Variants in CALD1 observed in about 807,000 individuals in gnomAD.
CALD1 encodes caldesmon.
CALD1 carries 33 observed loss-of-function variants against 99.9 expected under a neutral mutation model. The ratio of observed to expected loss-of-function variants is 0.33; its 90% CI spans 0.25 to 0.44. CALD1 has a LOEUF of 0.44. CALD1 is among the 20% of genes least tolerant of loss of function. CALD1 has a pLI of 1.00. For synonymous variants in CALD1, 310 were observed against 325.0 expected, an observed-to-expected ratio of 0.95 and a Z score of 0.50; for missense variants, 861 against 962.1, an observed-to-expected ratio of 0.89 and a Z score of 1.39.
At chr7:134,876,103 G>A (rs1302599756) in intron 3 of CALD1, among the ~76,000 whole-genome samples, 1 of 152,172 alleles carries the variant, frequency 6.6e-6, no homozygotes, top group Non-Finnish European at 1.5e-5. Flanking sequence ...AGGCACTGAT[G>A]AAAGCTCTGG....
At chr7:134,960,914 A>G (rs942456868) in intron 13 of CALD1, 1 of 230,916 alleles carries the variant, frequency 4.3e-6, no homozygotes, top group Non-Finnish European at 8.4e-6. Context: ...TTACTCGTCT[A>G]TTTGTTTAGC....
intron 3 of CALD1, among the ~76,000 whole-genome samples, chr7:134,913,683 CT>C (rs11327208): frequency 0.39 from 58,604 of 152,090 alleles, 13,005 homozygotes; most frequent in East Asian, 0.86. Context: ...GATCACCAAA[CT>C]TTTTTGTAAA....
chr7:134,950,725 G>A (rs1807269770), intron 9 of CALD1, among the ~76,000 whole-genome samples: 1 of 152,206 alleles, frequency 6.6e-6, no homozygotes, highest in Non-Finnish European at 1.5e-5. Context: ...GGAGGCAGAT[G>A]TGGGCAGATC....
chr7:134,898,074 G>A (rs531186053), intron 3 of CALD1, among the ~76,000 whole-genome samples: 2 of 151,930 alleles, frequency 1.3e-5, no homozygotes, highest in East Asian at 1.9e-4. Flanking sequence ...ACAGGCGCCC[G>A]CCACCATGCC....
At chr7:134,766,379 C>T (rs942665030) in intron 1 of CALD1, among the ~76,000 whole-genome samples, 1 of 151,914 alleles carries the variant, frequency 6.6e-6, no homozygotes, top group African/African-American at 2.4e-5. Flanking sequence ...CTCCTGACCT[C>T]GGGTGATCCA....
chr7:134,745,549 G>A (rs1244042057), intron 1 of CALD1: 3 of 152,302 alleles, frequency 2.0e-5, no homozygotes, highest in South Asian at 4.1e-4. Context: ...AGATTTGGGA[G>A]CTGAGAGTTA....
chr7:134,712,617 T>C, the CALD1 span, among the ~76,000 whole-genome samples: 2 of 152,242 alleles, frequency 1.3e-5, no homozygotes, highest in Non-Finnish European at 2.9e-5. Flanking sequence ...TATCAATTCA[T>C]CATTTTACAT....
Position 134,941,203 on chromosome 7 carries a change from A to G in CALD1, c.1498A>G (p.Thr500Ala). The G allele has an allele frequency of 6.2e-7, 1 of 1,612,334 alleles. No homozygotes were observed. Among genetic ancestry groups the G allele is most frequent in the Non-Finnish European group, 8.5e-7 (1 of 1,179,444 alleles). ...EVKSQNGEFM[T>A]HKLKHTENTF... ...TAAGTCGCAGAATGGAGAATTCATG[A>G]CCCACAAACTTAAACATACTGAGAA... The change falls in exon 7 of 15, where the codon ACC (threonine) becomes GCC (alanine). Residue 500 changes from threonine (T) to alanine (A), a missense_variant. Physicochemically the swap from Thr to Ala is moderately conservative, Grantham distance 58. Around this residue, in one of 5 missense-constraint regions of CALD1, gnomAD observed 293 missense variants for 262.7 expected, o/e 1.12. Coordinates refer to ENST00000361675, the MANE Select transcript of CALD1 (RefSeq NM_033138.4).
chr7:134,716,838 AT>A, the CALD1 span, among the ~76,000 whole-genome samples: 1 of 152,200 alleles, frequency 6.6e-6, no homozygotes, highest in Non-Finnish European at 1.5e-5. Context: ...GAGTTCTAGA[AT>A]TTACCTTTTT....
intron 7 of CALD1, among the ~76,000 whole-genome samples, chr7:134,943,533 A>G (rs566215930): frequency 3.3e-5 from 5 of 152,360 alleles, no homozygotes; most frequent in South Asian, 4.1e-4. Flanking sequence ...TGAGCAAGAT[A>G]TAGCGATGCA....
At chr7:134,910,276 A>G (rs1004034989) in intron 3 of CALD1, among the ~76,000 whole-genome samples, 39 of 152,362 alleles carry the variant, frequency 2.6e-4, no homozygotes, top group African/African-American at 9.4e-4. Flanking sequence ...TAAACTGACA[A>G]GACAGCCCGT....
chr7:134,843,853 G>GA, intron 1 of CALD1, 31 bp from the exon 2 acceptor site: 1 of 152,278 alleles, frequency 6.6e-6, no homozygotes, highest in Non-Finnish European at 1.5e-5. Context: ...TCATTCAACT[G>GA]AATTATGTTT....
the CALD1 span, among the ~76,000 whole-genome samples, chr7:134,737,797 T>C: frequency 6.6e-6 from 1 of 152,208 alleles, no homozygotes; most frequent in Non-Finnish European, 1.5e-5. Context: ...TGGTGGAATG[T>C]CTCTCTGGAG....
chr7:134,718,754 C>T, the CALD1 span, among the ~76,000 whole-genome samples: 40 of 152,140 alleles, frequency 2.6e-4, no homozygotes, highest in East Asian at 7.5e-3. Context: ...GTCTCTGACC[C>T]AGAAGTCTCA....
chr7:134,771,922 T>A lies in CALD1; in HGVS notation c.-130+27559T>A, dbSNP rs529281586. Reference sequence around the variant, plus strand: ...CCTATTCCTTTACTCTTTTTTTAAATTTTTTTATAGCGCTTACCACTGCCT... The same window carrying A: ...CCTATTCCTTTACTCTTTTTTTAAAATTTTTTATAGCGCTTACCACTGCCT... On this transcript the variant is annotated intron_variant, in intron 1 of 13. Coordinates refer to the CALD1 transcript ENST00000417172. Among the ~76,000 whole-genome samples the A allele has an allele frequency of 3.3e-5, 5 of 152,242 alleles. No individual in the cohort carries two copies. The East Asian group carries it at 7.7e-4, about 24-fold the overall frequency.
chr7:134,940,467 T>G (rs1806339854), intron 6 of CALD1, among the ~76,000 whole-genome samples: 1 of 152,194 alleles, frequency 6.6e-6, no homozygotes, highest in Non-Finnish European at 1.5e-5. Flanking sequence ...ATTCTAACTT[T>G]AATGGTTTAG....
At chr7:134,935,255 C>T (rs901526299) in intron 5 of CALD1, among the ~76,000 whole-genome samples, 6 of 152,092 alleles carry the variant, frequency 3.9e-5, no homozygotes, top group Non-Finnish European at 8.8e-5. Flanking sequence ...ACACCACCAC[C>T]ACCACTCCTA....
chr7:134,879,333 C>A (rs930833221), intron 3 of CALD1, among the ~76,000 whole-genome samples: 1 of 152,184 alleles, frequency 6.6e-6, no homozygotes, highest in East Asian at 1.9e-4. Flanking sequence ...TGAATAAAAT[C>A]AGTTCTTTCC....
chr7:134,859,112 C>T (rs191143388), intron 2 of CALD1, among the ~76,000 whole-genome samples: 8 of 152,310 alleles, frequency 5.3e-5, no homozygotes, highest in African/African-American at 1.4e-4. Context: ...ATATTTTCGC[C>T]ATAACCCTAA....
Sources: gnomAD v4.1 joint callset for allele counts (sites outside exome capture counted in the v4.1 genomes callset) on GRCh38, gnomAD v4.1.1 for gene constraint, gnomAD v4.1.1 regional missense constraint, MANE v1.5 for transcripts, NCBI Gene and HGNC (gene_info 2026-07-23, HGNC 2026-07-21) for gene names.